Variants in PARD3B observed in about 807,000 individuals in gnomAD.
PARD3B encodes the protein partitioning defective 3 homolog B.
PARD3B carries 103 observed loss-of-function variants against 130.2 expected under a neutral mutation model. The observed-to-expected ratio is 0.79, with a 90% CI of 0.67 to 0.93. The LOEUF is 0.93. PARD3B is among the 40% of genes least tolerant of loss of function. PARD3B has a pLI of 0.00. For synonymous variants in PARD3B, 583 were observed against 553.2 expected (o/e 1.05, Z -0.76); for missense variants, 1,609 against 1,499.2 (o/e 1.07, Z -1.21).
At chr2:205,511,855 AG>A (rs1219796095) in intron 21 of PARD3B, among the ~76,000 whole-genome samples, 1 of 152,216 alleles carries the variant, frequency 6.6e-6, no homozygotes, top group Non-Finnish European at 1.5e-5. Context: ...CCCCTCACAC[AG>A]CTTCCTGACT....
At chr2:205,306,735 C>A (rs1452608097) in intron 18 of PARD3B, among the ~76,000 whole-genome samples, 1 of 152,120 alleles carries the variant, frequency 6.6e-6, no homozygotes, top group Non-Finnish European at 1.5e-5. Context: ...GTAAAAATAG[C>A]AACTGTTTTC....
intron 2 of PARD3B, among the ~76,000 whole-genome samples, chr2:204,929,779 GTGT>G (rs1481457113): frequency 6.6e-6 from 1 of 151,408 alleles, no homozygotes; most frequent in African/African-American, 2.4e-5. Context: ...AAAAAAAAAA[GTGT>G]TGTTTTAGAA....
intron 2 of PARD3B, among the ~76,000 whole-genome samples, chr2:204,892,088 G>C (rs2046470606): frequency 6.6e-6 from 1 of 152,158 alleles, no homozygotes; most frequent in South Asian, 2.1e-4. Flanking sequence ...AAGTAGATAG[G>C]GGGAGCCAGA....
chr2:205,126,125 G>A (rs1326738568), intron 10 of PARD3B, among the ~76,000 whole-genome samples: 2 of 152,164 alleles, frequency 1.3e-5, no homozygotes, highest in African/African-American at 4.8e-5. Flanking sequence ...AGATAGCCAA[G>A]TATTCAAAAT....
intron 4 of PARD3B, among the ~76,000 whole-genome samples, chr2:205,098,723 C>T (rs1007965569): frequency 3.9e-5 from 6 of 152,102 alleles, no homozygotes; most frequent in Non-Finnish European, 8.8e-5. Flanking sequence ...ACCGTTGCCC[C>T]TCTTGGTGCC....
chr2:204,892,828 G>C (rs2046499743), intron 2 of PARD3B, among the ~76,000 whole-genome samples: 2 of 152,214 alleles, frequency 1.3e-5, no homozygotes, highest in South Asian at 2.1e-4. Context: ...AGAAAGACTG[G>C]TTGAAAGATC....
intron 19 of PARD3B, among the ~76,000 whole-genome samples, chr2:205,426,267 CTAA>C (rs199632536): frequency 1.3e-5 from 2 of 152,118 alleles, no homozygotes; most frequent in Non-Finnish European, 2.9e-5. Context: ...ACTACTACTA[CTAA>C]TAATAATAAT....
chr2:205,497,216 A>G (rs555673523), intron 20 of PARD3B, among the ~76,000 whole-genome samples: 51 of 151,482 alleles, frequency 3.4e-4, no homozygotes, highest in East Asian at 1.2e-3. Flanking sequence ...AAAAAAAAAA[A>G]AAAGAAAGAA....
rs2045209861 is a variant in PARD3B at position 204,861,696 on chromosome 2, C to T, written c.223-103456C>T. ...TTACCTTACATAATTTTCTGTCAGT[C>T]TTTATGATCCAGTTTTTCTCAGTCT... On this transcript the variant is annotated intron_variant, in intron 2 of 22. Transcript: ENST00000406610. Among the ~76,000 whole-genome samples, 3 of 151,920 alleles carry T rather than the reference C, an allele frequency of 2.0e-5. No individual in the cohort carries two copies. The South Asian group carries it at 6.2e-4, about 32-fold the overall frequency.
At chr2:204,758,167 C>G (rs1415557683) in intron 2 of PARD3B, among the ~76,000 whole-genome samples, 1 of 152,104 alleles carries the variant, frequency 6.6e-6, no homozygotes, top group Non-Finnish European at 1.5e-5. Context: ...TGGTATCTCT[C>G]TAGTTGGACT....
chr2:205,480,546 C>T (rs1034652906), intron 20 of PARD3B, among the ~76,000 whole-genome samples: 2 of 152,124 alleles, frequency 1.3e-5, no homozygotes, highest in South Asian at 2.1e-4. Flanking sequence ...TTGTATTCCT[C>T]CTATATCCCC....
At chr2:205,190,977 T>C (rs1284196322) in intron 14 of PARD3B, among the ~76,000 whole-genome samples, 1 of 151,748 alleles carries the variant, frequency 6.6e-6, no homozygotes, top group Non-Finnish European at 1.5e-5. Flanking sequence ...TTGTTCACAA[T>C]TGGCATATTT....
At chr2:205,583,570 T>C (rs568631545) in intron 22 of PARD3B, among the ~76,000 whole-genome samples, 2 of 152,306 alleles carry the variant, frequency 1.3e-5, no homozygotes, top group East Asian at 3.9e-4. Flanking sequence ...GTTATGTGTA[T>C]TCACTCATTT....
At chr2:204,870,608 T>C (rs1274038463) in intron 2 of PARD3B, among the ~76,000 whole-genome samples, 1 of 152,124 alleles carries the variant, frequency 6.6e-6, no homozygotes, top group Non-Finnish European at 1.5e-5. Context: ...CTAAGTAAAA[T>C]AGGAAGATGA....
At chr2:205,346,333 C>T (rs2105828456) in intron 18 of PARD3B, among the ~76,000 whole-genome samples, 1 of 152,140 alleles carries the variant, frequency 6.6e-6, no homozygotes, top group South Asian at 2.1e-4. Flanking sequence ...AGCACCTGAC[C>T]TCCAGCTTGT....
Position 205,292,421 on chromosome 2 carries a change from T to C in PARD3B, c.2186-8109T>C, listed in dbSNP as rs2041642755. On this transcript the variant is annotated intron_variant, in intron 16 of 22. Coordinates refer to ENST00000406610, the MANE Select transcript of PARD3B (RefSeq NM_001302769.2). This position sits in a 1 kb window ranked among gnomAD's most constrained non-coding sequence, Gnocchi z 5.3. Reference sequence around the variant, plus strand: ...CCTCCAGAACTGCGAGAAAATTCCATTGTTGATAAGCCACCCAGTCTATGG... The same window carrying C: ...CCTCCAGAACTGCGAGAAAATTCCACTGTTGATAAGCCACCCAGTCTATGG... 6.6e-6 allele frequency among the ~76,000 whole-genome samples: 1 copy of C among 152,080 alleles called. No individual in the cohort carries two copies. The highest frequency in any genetic ancestry group is 2.4e-5 in the African/African-American group (1 of 41,424).
chr2:205,193,941 A>T (rs1388183286), intron 15 of PARD3B, among the ~76,000 whole-genome samples: 3 of 152,128 alleles, frequency 2.0e-5, no homozygotes, highest in South Asian at 2.1e-4. Flanking sequence ...ACCATGGGGA[A>T]CTTCGTGGTG....
intron 15 of PARD3B, among the ~76,000 whole-genome samples, chr2:205,239,665 G>T (rs749975781): frequency 1.3e-5 from 2 of 152,182 alleles, no homozygotes; most frequent in Non-Finnish European, 1.5e-5. Flanking sequence ...ATTTTAAAGA[G>T]ATCACTGAAG....
At chr2:205,508,621 G>A (rs958398733) in intron 21 of PARD3B, among the ~76,000 whole-genome samples, 11 of 151,956 alleles carry the variant, frequency 7.2e-5, no homozygotes, top group Admixed American at 6.6e-4. Context: ...CCTGCAGTTG[G>A]GCTGCTGCCA....
Sources: allele counts gnomAD v4.1 joint callset (sites outside exome capture counted in the v4.1 genomes callset), GRCh38; gene constraint gnomAD v4.1.1; non-coding constraint Gnocchi (gnomAD v3.1); transcripts MANE v1.5; gene names NCBI Gene and HGNC (gene_info 2026-07-23, HGNC 2026-07-21).